APOOL: variants seen among roughly 807,000 people sequenced by gnomAD.
The protein encoded by APOOL is MICOS complex subunit MIC27.
Under a neutral mutation model 23.1 loss-of-function variants are expected in APOOL, and 12 were observed. The observed-to-expected ratio is 0.52, with a 90% CI of 0.33 to 0.84. APOOL has a LOEUF of 0.84. APOOL is among the 40% of genes least tolerant of loss of function. APOOL has a pLI of 0.02. For synonymous variants in APOOL, 77 were observed against 69.9 expected (o/e 1.10, Z -0.51); for missense variants, 212 against 199.6 (o/e 1.06, Z -0.37).
chrX:85,067,639 C>CACACACACACACACACAT (rs1473734767), intron 6 of APOOL, among the ~76,000 whole-genome samples: 26 of 108,102 alleles, frequency 2.4e-4, no homozygotes, highest in African/African-American at 8.4e-4. Flanking sequence ...CACACACACA[C>CACACACACACACACACAT]ACACACACAC....
At chrX:85,062,788 G>A (rs141401098) in intron 5 of APOOL, among the ~76,000 whole-genome samples, 3,092 of 111,496 alleles carry the variant, frequency 0.028, 123 homozygotes, top group African/African-American at 0.095. Flanking sequence ...TTTGAAGTCA[G>A]GTAGCATGAT....
At chrX:85,028,243 C>T (rs1352072262) in intron 1 of APOOL, among the ~76,000 whole-genome samples, 1 of 111,070 alleles carries the variant, frequency 9.0e-6, no homozygotes, top group Non-Finnish European at 1.9e-5. Flanking sequence ...CATTTCTTTG[C>T]CTTTTGTATT....
chrX:85,072,612 C>T (rs1056168203), intron 6 of APOOL, among the ~76,000 whole-genome samples: 2 of 110,883 alleles, frequency 1.8e-5, no homozygotes, highest in African/African-American at 6.6e-5. Flanking sequence ...TGCTCACCAA[C>T]GGGATTTGTT....
intron 1 of APOOL, among the ~76,000 whole-genome samples, chrX:85,006,474 C>T (rs1297846380): frequency 9.2e-6 from 1 of 109,193 alleles, no homozygotes; most frequent in African/African-American, 3.3e-5. Context: ...TTATACATTA[C>T]TCTTTAGAGA....
intron 5 of APOOL, among the ~76,000 whole-genome samples, chrX:85,059,123 C>A (rs1487234629): frequency 1.0e-5 from 1 of 100,070 alleles, no homozygotes; most frequent in South Asian, 5.0e-4. Context: ...TGAGAACATG[C>A]GGTGTTTGGT....
At chrX:85,074,552 A>G (rs1229282198) in intron 8 of APOOL, among the ~76,000 whole-genome samples, 161 bp downstream of exon 8, 1 of 111,596 alleles carries the variant, frequency 9.0e-6, no homozygotes, top group Non-Finnish European at 1.9e-5. Context: ...GTACTTAAGT[A>G]TCTGCAATTG....
At position 85,058,063 on chromosome X, in the gene APOOL, T is replaced by C. The variant is rs142599654; in HGVS notation, c.394+2138T>C. 1.9e-4 allele frequency among the ~76,000 whole-genome samples: 21 copies of C among 111,365 alleles called. No individual in the cohort carries two copies. In the East Asian group the frequency reaches 5.9e-3, roughly 32 times the overall value. On this transcript the variant is annotated intron_variant, in intron 5 of 8. Coordinates refer to ENST00000373173, the MANE Select transcript of APOOL (RefSeq NM_198450.6). ...AATGAATCTCAGGAGACATTTTACC[T>C]TTTTTTAAAAAATTATATTTTAAGT...
chrX:85,071,156 G>A (rs980232403), intron 6 of APOOL, among the ~76,000 whole-genome samples: 2 of 111,018 alleles, frequency 1.8e-5, no homozygotes, highest in Non-Finnish European at 3.8e-5. Flanking sequence ...CCTGTTTCTC[G>A]ATGAAAGACT....
intron 1 of APOOL, among the ~76,000 whole-genome samples, chrX:85,031,282 TA>T (rs1922028412): frequency 1.8e-5 from 2 of 111,732 alleles, no homozygotes; most frequent in Non-Finnish European, 3.8e-5. Flanking sequence ...TGTTATTACG[TA>T]AAATGACTTA....
At chrX:85,025,003 A>C in intron 1 of APOOL, among the ~76,000 whole-genome samples, 1 of 112,164 alleles carries the variant, frequency 8.9e-6, no homozygotes, top group Admixed American at 9.4e-5. Context: ...GAGACTGGGT[A>C]ATTTATAAGC....
intron 6 of APOOL, among the ~76,000 whole-genome samples, chrX:85,070,204 G>C (rs1437545786): frequency 9.0e-6 from 1 of 111,377 alleles, no homozygotes; most frequent in Non-Finnish European, 1.9e-5. Context: ...TCAGGTGAGA[G>C]CTTTTTAGTG....
At chrX:85,040,805 T>G (rs1922377366) in intron 1 of APOOL, among the ~76,000 whole-genome samples, 1 of 112,234 alleles carries the variant, frequency 8.9e-6, no homozygotes, top group Admixed American at 9.5e-5. Context: ...ATTCTTTAAA[T>G]ACTTTGGATT....
rs147279069 is a variant in APOOL, at chrX:85,009,816, G to A, written c.15+5889G>A. On this transcript the variant is annotated intron_variant, in intron 1 of 8. Transcript: ENST00000373173. Reference sequence around the variant, plus strand: ...TCCCACCCATTACCCTCAGGTGTCTGTGGTTTCCTTCTTTGTGTTTGTAAG... The same window carrying A: ...TCCCACCCATTACCCTCAGGTGTCTATGGTTTCCTTCTTTGTGTTTGTAAG... Among the ~76,000 whole-genome samples, 573 of 110,567 alleles carry A rather than the reference G, an allele frequency of 5.2e-3. 6 individuals carry two copies. The highest frequency in any genetic ancestry group is 0.018 in the African/African-American group (545 of 30,440).
chrX:85,042,768 G>A (rs185407755), intron 1 of APOOL, among the ~76,000 whole-genome samples: 66 of 111,898 alleles, frequency 5.9e-4, no homozygotes, highest in African/African-American at 2.0e-3. Flanking sequence ...AGCGATGCAA[G>A]GATGGTTCAG....
At chrX:85,043,269 C>T (rs61484886) in intron 1 of APOOL, among the ~76,000 whole-genome samples, 6,590 of 111,215 alleles carry the variant, frequency 0.059, 455 homozygotes, top group African/African-American at 0.2. Context: ...TCTTTCCTCT[C>T]GTGAAAACTC....
intron 5 of APOOL, among the ~76,000 whole-genome samples, chrX:85,059,482 A>C (rs1375806483): frequency 2.7e-5 from 3 of 110,051 alleles, no homozygotes; most frequent in African/African-American, 1.0e-4. Flanking sequence ...GAACTAGTTT[A>C]CAGTCCCACC....
rs1924492617 is a variant in APOOL at position 85,090,676 on chromosome X, C to T, written c.*2998C>T. The T allele has an allele frequency of 9.0e-6, 1 of 111,637 alleles. No homozygotes were observed. Among genetic ancestry groups the T allele is most frequent in the South Asian group, 3.8e-4 (1 of 2,654 alleles). 9.2% of individuals were successfully genotyped at this position (111,637 alleles called of 1,213,427 possible). On this transcript the variant is annotated 3_prime_UTR_variant, in exon 9 of 9. Transcript: ENST00000373173. ...TTGAACATGCTTTGCTCATTATTGCCTCTTTCTCTGCCTGTGCTAGTGTGT... is the reference window on the plus strand; with the variant it reads ...TTGAACATGCTTTGCTCATTATTGCTTCTTTCTCTGCCTGTGCTAGTGTGT...
chrX:85,024,611 A>G (rs1363021123), intron 1 of APOOL, among the ~76,000 whole-genome samples: 7 of 112,588 alleles, frequency 6.2e-5, no homozygotes, highest in African/African-American at 2.3e-4. Context: ...TAACTGGGAT[A>G]CCACTTTTGC....
At chrX:85,038,122 A>G (rs1922277643) in intron 1 of APOOL, among the ~76,000 whole-genome samples, 2 of 111,432 alleles carry the variant, frequency 1.8e-5, no homozygotes, top group Admixed American at 1.9e-4. Flanking sequence ...TTTTGCGTCT[A>G]TTAAGAGGAT....
Sources: gnomAD v4.1 joint callset for allele counts (sites outside exome capture counted in the v4.1 genomes callset) on GRCh38, gnomAD v4.1.1 for gene constraint, MANE v1.5 for transcripts, NCBI Gene and HGNC (gene_info 2026-07-23, HGNC 2026-07-21) for gene names.